Variants in METTL15 observed in about 807,000 individuals in gnomAD.
METTL15 encodes the protein 12S rRNA N(4)-cytidine methyltransferase METTL15.
In METTL15, 34 loss-of-function variants were observed where a neutral mutation model predicts 38.3. That is an observed-to-expected ratio of 0.89 (90% CI 0.68 to 1.18). The LOEUF (loss-of-function observed/expected upper bound fraction) is 1.18, where lower values mean the gene tolerates loss of function less well. Among genes scored for constraint, METTL15 ranks in the 50% most tolerant of loss-of-function variants. The probability of loss-of-function intolerance (pLI) is 0.00; values close to 1 mark genes in which losing one functional copy is unlikely to be tolerated. For synonymous variants in METTL15, 162 were observed against 170.9 expected, an observed-to-expected ratio of 0.95 and a Z score of 0.41; for missense variants, 438 against 498.4, an observed-to-expected ratio of 0.88 and a Z score of 1.15.
chr11:28,320,878 A>G (rs1460837703), intron 6 of METTL15, among the ~76,000 whole-genome samples: 2 of 152,128 alleles, frequency 1.3e-5, no homozygotes, highest in East Asian at 3.9e-4. Flanking sequence ...GTAAGTCTCT[A>G]TACTTTTAAA....
chr11:28,174,093 C>T (rs1850961704), intron 3 of METTL15, among the ~76,000 whole-genome samples: 1 of 152,172 alleles, frequency 6.6e-6, no homozygotes, highest in East Asian at 1.9e-4. Flanking sequence ...AAGCACAGTG[C>T]ATACTTAAGG....
intron 3 of METTL15, among the ~76,000 whole-genome samples, chr11:28,150,175 T>C (rs945644700): frequency 3.9e-5 from 6 of 151,976 alleles, no homozygotes; most frequent in South Asian, 2.1e-4. Flanking sequence ...TTGTGTCTTA[T>C]TGTCAACAGA....
At chr11:28,511,538 G>A (rs569950903) in intron 6 of METTL15, among the ~76,000 whole-genome samples, 81 of 152,200 alleles carry the variant, frequency 5.3e-4, no homozygotes, top group Middle Eastern at 3.4e-3. Context: ...TCTGATGTTC[G>A]GATGTCTTCA....
intron 4 of METTL15, among the ~76,000 whole-genome samples, chr11:28,289,421 T>C (rs1374886436): frequency 6.6e-6 from 1 of 152,156 alleles, no homozygotes; most frequent in Non-Finnish European, 1.5e-5. Context: ...AAACTCACTC[T>C]ACCCACCTTT....
At chr11:28,401,175 T>G (rs189042251) in intron 5 of METTL15, among the ~76,000 whole-genome samples, 92 of 152,108 alleles carry the variant, frequency 6.0e-4, no homozygotes, top group African/African-American at 2.2e-3. Context: ...GTGCCATGTT[T>G]GTGGTTTCAA....
intron 6 of METTL15, among the ~76,000 whole-genome samples, chr11:28,522,772 C>T (rs917143713): frequency 1.3e-5 from 2 of 152,128 alleles, no homozygotes; most frequent in Non-Finnish European, 2.9e-5. Context: ...GTTGCCACTG[C>T]TTGAATTAAG....
intron 6 of METTL15, among the ~76,000 whole-genome samples, chr11:28,319,924 T>C (rs1849401093): frequency 1.3e-5 from 2 of 152,214 alleles, no homozygotes; most frequent in African/African-American, 2.4e-5. Context: ...TGGAAAATGC[T>C]GTGCGATACA....
At chr11:28,526,835 C>G (rs1195468520) in exon 8 of METTL15, 1 of 152,158 alleles carries the variant, frequency 6.6e-6, no homozygotes, top group Non-Finnish European at 1.5e-5. Flanking sequence ...ATTTAATTCT[C>G]TTTTCTCAGT....
chr11:28,168,566 A>T (rs1850739599), intron 3 of METTL15, among the ~76,000 whole-genome samples: 1 of 151,308 alleles, frequency 6.6e-6, no homozygotes, highest in African/African-American at 2.4e-5. Flanking sequence ...TGCTGCACCC[A>T]TTAACTCATC....
chr11:28,115,284 G>A (rs1330560967), intron 3 of METTL15, among the ~76,000 whole-genome samples: 1 of 150,420 alleles, frequency 6.6e-6, no homozygotes, highest in East Asian at 1.9e-4. Context: ...TTGAGATGGA[G>A]TTTTGCTCTT....
intron 5 of METTL15, among the ~76,000 whole-genome samples, chr11:28,373,319 G>T (rs952483207): frequency 6.6e-6 from 1 of 152,058 alleles, no homozygotes; most frequent in South Asian, 2.1e-4. Flanking sequence ...CATTCTAACT[G>T]GTGTGAGATG....
chr11:28,333,562 G>T (rs1316158866), downstream of METTL15: 1 of 152,000 alleles, frequency 6.6e-6, no homozygotes, highest in African/African-American at 2.4e-5. Context: ...TCATTGTGTA[G>T]TACATCAGTT....
intron 6 of METTL15, among the ~76,000 whole-genome samples, chr11:28,317,124 A>AT (rs964494966): frequency 4.0e-5 from 6 of 151,610 alleles, no homozygotes; most frequent in Admixed American, 6.6e-5. Flanking sequence ...TTATAACTTT[A>AT]TTTTTTTTCC....
At chr11:28,122,602 ATAAG>A (rs1255988180) in intron 3 of METTL15, among the ~76,000 whole-genome samples, 3 of 151,560 alleles carry the variant, frequency 2.0e-5, no homozygotes, top group African/African-American at 7.2e-5. Context: ...ATGTATACAT[ATAAG>A]TAACTATATA....
At chr11:28,418,467 G>C (rs888366956) in intron 5 of METTL15, among the ~76,000 whole-genome samples, 4 of 152,072 alleles carry the variant, frequency 2.6e-5, no homozygotes, top group African/African-American at 9.7e-5. Context: ...TTGACTAGAG[G>C]TTGGATGCCA....
chr11:28,195,021 A>G (rs1851859223), intron 3 of METTL15, among the ~76,000 whole-genome samples: 1 of 151,982 alleles, frequency 6.6e-6, no homozygotes, highest in Non-Finnish European at 1.5e-5. Context: ...TTGCTGCAAA[A>G]GACATTTTTT....
chr11:28,249,606 C>T (rs1215179692), intron 4 of METTL15, among the ~76,000 whole-genome samples: 1 of 151,902 alleles, frequency 6.6e-6, no homozygotes, highest in Non-Finnish European at 1.5e-5. Context: ...GTCTTTACAT[C>T]ACTAAAGAGT....
chr11:28,530,683 G>A (rs1439027120), downstream of METTL15, among the ~76,000 whole-genome samples: 1 of 151,988 alleles, frequency 6.6e-6, no homozygotes, highest in African/African-American at 2.4e-5. Context: ...GCTCTAGAAT[G>A]CCACTAAATA....
At chr11:28,530,085 T>C (rs920620161), downstream of METTL15, among the ~76,000 whole-genome samples, 3 of 152,112 alleles carry the variant, frequency 2.0e-5, no homozygotes, top group Non-Finnish European at 2.9e-5. Flanking sequence ...ATAACTCTAC[T>C]TCTTGGCCAT....
Sources: gnomAD v4.1 joint callset for allele counts (sites outside exome capture counted in the v4.1 genomes callset) on GRCh38, gnomAD v4.1.1 for gene constraint, MANE v1.5 for transcripts, NCBI Gene and HGNC (gene_info 2026-07-23, HGNC 2026-07-21) for gene names.